EPB41L1: variants seen among roughly 807,000 people sequenced by gnomAD.
EPB41L1 encodes the protein erythrocyte membrane protein band 4.1 like 1.
In EPB41L1, 29 loss-of-function variants were observed where a neutral mutation model predicts 97.8. The observed-to-expected ratio is 0.30, with a 90% CI of 0.22 to 0.40. The LOEUF (loss-of-function observed/expected upper bound fraction) is 0.40. Ranked by LOEUF, EPB41L1 falls within the 10% of genes least tolerant of loss-of-function variation. The pLI is 1.00. For missense variants in EPB41L1, 812 were observed against 1,162.3 expected (o/e 0.70, Z 4.38); for synonymous variants, 383 against 459.2 (o/e 0.83, Z 2.12).
chr20:36,232,183 G>A lies in EPB41L1; in HGVS notation c.*2843G>A, dbSNP rs1285051706. On this transcript the variant is annotated 3_prime_UTR_variant, in exon 22 of 22. Coordinates refer to ENST00000338074, the MANE Select transcript of EPB41L1 (RefSeq NM_012156.2). ...TTTCCTCCCCATCCTTCTCTTTGTA[G>A]AGAATAGAGACGTTTGTCTTGTCTG... 1 of 156,132 alleles carries A rather than the reference G, an allele frequency of 6.4e-6. No individual in the cohort carries two copies. Among genetic ancestry groups the A allele is most frequent in the Non-Finnish European group, 1.4e-5 (1 of 70,774 alleles). 9.7% of individuals were successfully genotyped at this position (156,132 alleles called of 1,614,324 possible).
chr20:36,145,448 A>G (rs933454950), intron 2 of EPB41L1, among the ~76,000 whole-genome samples: 4 of 151,496 alleles, frequency 2.6e-5, no homozygotes, highest in Non-Finnish European at 4.4e-5. Context: ...TCCAGGGACC[A>G]CACTTTAGAA....
chr20:36,163,370 CAGTA>C (rs2060610271), intron 1 of EPB41L1, among the ~76,000 whole-genome samples: 1 of 152,156 alleles, frequency 6.6e-6, no homozygotes, highest in Non-Finnish European at 1.5e-5. Context: ...TCCATTTTCA[CAGTA>C]AGCCTGTGAG....
chr20:36,191,507 A>G (rs1274511649), intron 11 of EPB41L1, among the ~76,000 whole-genome samples: 2 of 152,158 alleles, frequency 1.3e-5, no homozygotes, highest in Non-Finnish European at 2.9e-5. Context: ...ATTGTTAAGC[A>G]AGCACGAAAA....
intron 2 of EPB41L1, among the ~76,000 whole-genome samples, chr20:36,114,736 C>G (rs3850528): frequency 0.2 from 29,918 of 152,034 alleles, 3,127 homozygotes; most frequent in Middle Eastern, 0.27. Flanking sequence ...GCAATCCAAA[C>G]AGAAAAGGGA....
chr20:36,154,053 C>T (rs1336547567), upstream of EPB41L1, among the ~76,000 whole-genome samples: 1 of 152,198 alleles, frequency 6.6e-6, no homozygotes, highest in Non-Finnish European at 1.5e-5. This position sits in a 1 kb window ranked among gnomAD's most constrained non-coding sequence, Gnocchi z 5.5. Context: ...CTCACTGTTA[C>T]ACTTACTGTC....
chr20:36,209,354 A>T lies in EPB41L1; in HGVS notation c.1669-134A>T. The T allele has an allele frequency of 2.9e-6, 3 of 1,027,734 alleles. No individual in the cohort carries two copies. The highest frequency in any genetic ancestry group is 2.7e-6 in the Non-Finnish European group (2 of 730,616). The allele number at this position is 1,027,734 out of a possible 1,614,324, so 63.7% of individuals were successfully genotyped here. On this transcript the variant is annotated intron_variant, in intron 14 of 21. Coordinates refer to ENST00000338074, the MANE Select transcript of EPB41L1 (RefSeq NM_012156.2). This position sits in a 1 kb window ranked among gnomAD's most constrained non-coding sequence, Gnocchi z 4.2. ...AGGAACCTTTCCTGGGGTGTTTTTC[A>T]TTTCCTGGCCTGCTCTTCCATTCAG...
At chr20:36,104,563 G>C (rs1462061282) in intron 1 of EPB41L1, among the ~76,000 whole-genome samples, 1 of 152,124 alleles carries the variant, frequency 6.6e-6, no homozygotes, top group African/African-American at 2.4e-5. Context: ...GGACCAGGGA[G>C]GTGGGGGGAC....
At chr20:36,215,862 G>T (rs2063411258) in intron 17 of EPB41L1, among the ~76,000 whole-genome samples, 1 of 152,190 alleles carries the variant, frequency 6.6e-6, no homozygotes. Flanking sequence ...CTGTGACCCT[G>T]TATTTAGGTT....
chr20:36,189,609 A>G (rs531532233), intron 9 of EPB41L1, among the ~76,000 whole-genome samples: 1 of 152,248 alleles, frequency 6.6e-6, no homozygotes, highest in African/African-American at 2.4e-5. Context: ...AAGATCACCT[A>G]GATCTAGGTC....
At chr20:36,183,883 G>A (rs574357906) in intron 6 of EPB41L1, among the ~76,000 whole-genome samples, 1 of 152,248 alleles carries the variant, frequency 6.6e-6, no homozygotes, top group African/African-American at 2.4e-5. Flanking sequence ...CAGGACTTCA[G>A]TTCTGACTGT....
Position 36,230,850 on chromosome 20 carries a change from G to A in EPB41L1, c.*1510G>A, listed in dbSNP as rs967105907. 6.6e-6 allele frequency: 1 copy of A among 151,426 alleles called. No homozygotes were observed. The highest frequency in any genetic ancestry group is 2.4e-5 in the African/African-American group (1 of 41,086). 9.4% of individuals were successfully genotyped at this position (151,426 alleles called of 1,614,324 possible). ...AACTCCATATCCAAAGGGAGGTGGT[G>A]CTCTCAGCCATTGTAGAAGATGGTG... On this transcript the variant is annotated 3_prime_UTR_variant, in exon 22 of 22. Transcript: ENST00000338074.
intron 6 of EPB41L1, among the ~76,000 whole-genome samples, chr20:36,184,705 A>G (rs909783365): frequency 2.0e-5 from 3 of 152,248 alleles, no homozygotes; most frequent in Admixed American, 6.5e-5. Context: ...TCAAAACCAC[A>G]TACATTTCTG....
chr20:36,155,904 C>T (rs1335269895), intron 1 of EPB41L1: 1 of 248,166 alleles, frequency 4.0e-6, no homozygotes, highest in Admixed American at 5.0e-5. Context: ...TTCATTCCCA[C>T]CCCATCCCCC....
intron 21 of EPB41L1, among the ~76,000 whole-genome samples, chr20:36,228,415 A>C (rs2064308971): frequency 6.6e-6 from 1 of 152,194 alleles, no homozygotes; most frequent in East Asian, 1.9e-4. Flanking sequence ...GAAGTTAAGA[A>C]ACTTGCCAGG....
chr20:36,192,692 AGTATT>A (rs2062018530), intron 11 of EPB41L1, among the ~76,000 whole-genome samples: 1 of 152,156 alleles, frequency 6.6e-6, no homozygotes, highest in Non-Finnish European at 1.5e-5. Context: ...TCCTGGGTAT[AGTATT>A]TAGAGTGAAT....
chr20:36,182,179 G>C lies in EPB41L1; in HGVS notation c.491-93G>C. ...TGGATTGTCCTGAGATTATACATAG[G>C]AGAAACTTTGAAAAACTGCCCAGAG... is the stretch of plus-strand genomic sequence containing the variant. On this transcript the variant is annotated intron_variant, in intron 5 of 21. Coordinates refer to ENST00000338074, the MANE Select transcript of EPB41L1 (RefSeq NM_012156.2). 4 of 1,066,936 alleles carry C rather than the reference G, an allele frequency of 3.7e-6. No homozygotes were observed. The South Asian group carries it at 3.8e-5, about 10-fold the overall frequency. 66.1% of individuals were successfully genotyped at this position (1,066,936 alleles called of 1,614,324 possible).
At chr20:36,208,684 G>A (rs2062962807) in intron 14 of EPB41L1, among the ~76,000 whole-genome samples, 1 of 152,220 alleles carries the variant, frequency 6.6e-6, no homozygotes, top group Admixed American at 6.5e-5. Flanking sequence ...TAAAAAGAAT[G>A]TTATGAACCA....
chr20:36,109,195 C>T (rs1387426736), intron 1 of EPB41L1, among the ~76,000 whole-genome samples: 3 of 152,110 alleles, frequency 2.0e-5, no homozygotes, highest in Non-Finnish European at 4.4e-5. Context: ...GATCCGCCTG[C>T]CTCGGCCTCC....
At chr20:36,172,824 T>G (rs569126576) in intron 1 of EPB41L1, among the ~76,000 whole-genome samples, 1 of 152,318 alleles carries the variant, frequency 6.6e-6, no homozygotes, top group South Asian at 2.1e-4. Flanking sequence ...TGTCTTGAAC[T>G]GCCGAACTTA....
Sources: gnomAD v4.1 joint callset for allele counts (sites outside exome capture counted in the v4.1 genomes callset) on GRCh38, gnomAD v4.1.1 for gene constraint, Gnocchi (gnomAD v3.1) non-coding constraint, MANE v1.5 for transcripts, NCBI Gene and HGNC (gene_info 2026-07-23, HGNC 2026-07-21) for gene names.